The following IL1RAPL2 variants were observed in gnomAD, a reference collection of about 807,000 sequenced individuals.
IL1RAPL2 encodes the protein interleukin 1 receptor accessory protein like 2.
Under a neutral mutation model 44.1 loss-of-function variants are expected in IL1RAPL2, and 3 were observed. The ratio of observed to expected loss-of-function variants is 0.07; its 90% CI spans 0.03 to 0.18. The LOEUF (loss-of-function observed/expected upper bound fraction) is 0.18, where lower values mean the gene tolerates loss of function less well. Among genes scored for constraint, IL1RAPL2 ranks in the 10% least tolerant of loss-of-function variants. The pLI is 1.00. For synonymous variants in IL1RAPL2, 181 were observed against 178.8 expected (o/e 1.01, Z -0.10); for missense variants, 391 against 496.4 (o/e 0.79, Z 2.02).
At chrX:104,615,143 A>G (rs1486515209) in intron 1 of IL1RAPL2, among the ~76,000 whole-genome samples, 2 of 111,619 alleles carry the variant, frequency 1.8e-5, no homozygotes, top group African/African-American at 6.5e-5. Context: ...CCATGTTTAG[A>G]AATCCCTTAA....
chrX:105,636,986 G>A (rs752270777), intron 6 of IL1RAPL2, among the ~76,000 whole-genome samples: 2 of 110,948 alleles, frequency 1.8e-5, no homozygotes, highest in African/African-American at 3.3e-5. Flanking sequence ...AGTCTTAGGT[G>A]GGGGGGAGTA....
chrX:105,139,367 G>C (rs2033105754), intron 2 of IL1RAPL2, among the ~76,000 whole-genome samples: 1 of 111,504 alleles, frequency 9.0e-6, no homozygotes, highest in Admixed American at 9.5e-5. Flanking sequence ...AAAGGGGGGA[G>C]AATGTGGAAG....
intron 6 of IL1RAPL2, among the ~76,000 whole-genome samples, chrX:105,669,312 C>T (rs2037797201): frequency 9.0e-6 from 1 of 111,141 alleles, no homozygotes; most frequent in African/African-American, 3.3e-5. Flanking sequence ...AAGTTTTCTC[C>T]GTCTTCTGCA....
At chrX:104,800,599 A>G (rs1047998363) in intron 2 of IL1RAPL2, among the ~76,000 whole-genome samples, 8 of 112,715 alleles carry the variant, frequency 7.1e-5, no homozygotes, top group Non-Finnish European at 1.5e-4. Flanking sequence ...ACTTAGAGGT[A>G]TGACTAATGA....
chrX:104,685,853 G>A (rs374660876), intron 2 of IL1RAPL2, among the ~76,000 whole-genome samples: 6 of 109,792 alleles, frequency 5.5e-5, no homozygotes, highest in African/African-American at 1.7e-4. Context: ...GCGGGAACTC[G>A]AGAGGTGGAG....
At chrX:105,631,417 A>T (rs1159795456) in intron 6 of IL1RAPL2, among the ~76,000 whole-genome samples, 2 of 112,057 alleles carry the variant, frequency 1.8e-5, no homozygotes, top group Admixed American at 9.5e-5. Context: ...CCATCATCCC[A>T]TCTGGTCCTT....
At chrX:105,582,798 A>G (rs1289354610) in intron 6 of IL1RAPL2, among the ~76,000 whole-genome samples, 2 of 109,751 alleles carry the variant, frequency 1.8e-5, no homozygotes, top group African/African-American at 6.6e-5. Context: ...TTTCTTATTG[A>G]TTTTCACAGT....
At chrX:105,487,554 A>T (rs756565991) in intron 6 of IL1RAPL2, among the ~76,000 whole-genome samples, 1 of 112,354 alleles carries the variant, frequency 8.9e-6, no homozygotes, top group Non-Finnish European at 1.9e-5. Context: ...TTACTCTGAG[A>T]TGTTAAACAA....
At chrX:104,594,271 T>C (rs1983936456) in intron 1 of IL1RAPL2, among the ~76,000 whole-genome samples, 1 of 112,569 alleles carries the variant, frequency 8.9e-6, no homozygotes, top group African/African-American at 3.2e-5. Flanking sequence ...TATGGTTACA[T>C]TGGAAACTCC....
intron 2 of IL1RAPL2, among the ~76,000 whole-genome samples, chrX:104,853,879 G>C (rs1037087298): frequency 1.5e-4 from 15 of 96,969 alleles, no homozygotes; most frequent in African/African-American, 5.7e-4. Flanking sequence ...CTCCAGCCTG[G>C]GCGACAGAGC....
At chrX:105,386,178 T>C (rs1030131929) in intron 5 of IL1RAPL2, among the ~76,000 whole-genome samples, 2 of 112,058 alleles carry the variant, frequency 1.8e-5, no homozygotes, top group African/African-American at 6.5e-5. Context: ...TGAACAGGTA[T>C]TGAACTATTT....
intron 2 of IL1RAPL2, among the ~76,000 whole-genome samples, chrX:104,821,532 G>T (rs1921302668): frequency 9.0e-6 from 1 of 111,572 alleles, no homozygotes; most frequent in Non-Finnish European, 1.9e-5. Context: ...TGTTGAGAAT[G>T]ATAGTTTCCA....
At chrX:104,971,344 T>C (rs1366343291) in intron 2 of IL1RAPL2, among the ~76,000 whole-genome samples, 1 of 111,079 alleles carries the variant, frequency 9.0e-6, no homozygotes, top group Non-Finnish European at 1.9e-5. Flanking sequence ...CGAGACTCTG[T>C]CTCAAAAAAT....
At chrX:105,447,128 TATATATATGA>T (rs2035965159) in intron 5 of IL1RAPL2, among the ~76,000 whole-genome samples, 3 of 58,362 alleles carry the variant, frequency 5.1e-5, no homozygotes, top group African/African-American at 1.9e-4. Context: ...TAAATATAAA[TATATATATGA>T]ATATAAATAT....
intron 5 of IL1RAPL2, among the ~76,000 whole-genome samples, chrX:105,296,796 C>T (rs112154650): frequency 0.062 from 6,848 of 111,322 alleles, 509 homozygotes; most frequent in African/African-American, 0.21. Context: ...TAAGGCACTC[C>T]TCCTTTAAAA....
intron 1 of IL1RAPL2, among the ~76,000 whole-genome samples, chrX:104,628,872 A>G (rs1420352501): frequency 1.8e-5 from 2 of 112,331 alleles, no homozygotes; most frequent in Non-Finnish European, 1.9e-5. Context: ...AAGGATAGCC[A>G]ATGCAGTATG....
At chrX:105,512,917 C>T (rs1707165794) in intron 6 of IL1RAPL2, among the ~76,000 whole-genome samples, 1 of 110,558 alleles carries the variant, frequency 9.0e-6, no homozygotes, top group Non-Finnish European at 1.9e-5. Flanking sequence ...TACCCCTCCC[C>T]TAGGCCCCCA....
At chrX:105,087,969 A>C (rs1001511109) in intron 2 of IL1RAPL2, among the ~76,000 whole-genome samples, 9 of 112,135 alleles carry the variant, frequency 8.0e-5, no homozygotes, top group African/African-American at 1.3e-4. Context: ...GATTAGAGTA[A>C]TGTATTTTTG....
At position 104,566,392 on chromosome X, in the gene IL1RAPL2, T is replaced by A. The variant is rs188036415; in HGVS notation, c.-679T>A. 2.7e-5 allele frequency: 3 copies of A among 112,908 alleles called. No individual in the cohort carries two copies. In the East Asian group the frequency reaches 8.5e-4, roughly 32 times the overall value. The allele number at this position is 112,908 out of a possible 1,213,427, so 9.3% of individuals were successfully genotyped here. A position where few individuals can be genotyped will look rare whatever the true frequency, so the allele number is the denominator to read the frequency against. ...GGGAGACTTGTGGGCTTTTGCACAC[T>A]GGCTGTAGGGTTCCCGGGAAAGACT... On this transcript the variant is annotated 5_prime_UTR_variant, in exon 1 of 11. Transcript: ENST00000372582.
Sources: allele counts gnomAD v4.1 joint callset (sites outside exome capture counted in the v4.1 genomes callset), GRCh38; gene constraint gnomAD v4.1.1; transcripts MANE v1.5; gene names NCBI Gene and HGNC (gene_info 2026-07-23, HGNC 2026-07-21).